ZNF423: variants seen among roughly 807,000 people sequenced by gnomAD.
The protein encoded by ZNF423 is Ebf-associated zinc finger protein.
ZNF423 carries 12 observed loss-of-function variants against 95.8 expected under a neutral mutation model. The ratio of observed to expected loss-of-function variants is 0.13; its 90% CI spans 0.08 to 0.20. The LOEUF is 0.20. Among genes scored for constraint, ZNF423 ranks in the 10% least tolerant of loss-of-function variants. The pLI, the probability that ZNF423 is intolerant of heterozygous loss-of-function variation, is 1.00. For synonymous variants in ZNF423, 749 were observed against 711.9 expected (o/e 1.05, Z -0.83); for missense variants, 1,316 against 1,737.1 (o/e 0.76, Z 4.31).
rs151102991 is a variant in ZNF423, at chr16:49,636,776, G to C, written c.2400C>G (p.Thr800=). Residue 800 remains threonine, a synonymous_variant, in exon 4 of 8, where the codon ACC becomes ACG. Transcript: ENST00000563137. The surrounding 1 kb of genome is among the most constrained non-coding windows in gnomAD (Gnocchi z 8.6). ...TGATGTGGCACTGCAGCTCCACCTC[G>C]GTGCTGAAGGTCTCCCCACAGAAGA... is the stretch of plus-strand genomic sequence containing the variant. ...KCIFCGETFS[T]EVELQCHITT... is the part of the protein sequence containing the mutation. The C allele has an allele frequency of 6.2e-7, 1 of 1,614,044 alleles. No homozygotes were observed. Among genetic ancestry groups the C allele is most frequent in the Admixed American group, 1.7e-5 (1 of 60,030 alleles).
At chr16:49,659,518 A>G (rs989851333) in intron 3 of ZNF423, among the ~76,000 whole-genome samples, 1 of 152,256 alleles carries the variant, frequency 6.6e-6, no homozygotes, top group African/African-American at 2.4e-5. Context: ...GACTTGCCCC[A>G]GGGCAGAGTC....
chr16:49,631,440 C>G (rs574805893), intron 4 of ZNF423, among the ~76,000 whole-genome samples: 1 of 152,086 alleles, frequency 6.6e-6, no homozygotes, highest in South Asian at 2.1e-4. Context: ...ACCCCCTCCT[C>G]CTGCAGCTTC....
At chr16:49,664,471 C>A (rs993977398) in intron 3 of ZNF423, among the ~76,000 whole-genome samples, 14 of 152,228 alleles carry the variant, frequency 9.2e-5, no homozygotes, top group Non-Finnish European at 1.6e-4. Context: ...CGGGGGCGAC[C>A]GAGGAGTTCT....
chr16:49,787,940 A>G (rs2034343584), intron 2 of ZNF423, among the ~76,000 whole-genome samples: 1 of 152,216 alleles, frequency 6.6e-6, no homozygotes. Context: ...CAGGAGGACT[A>G]CATGTCTGAG....
intron 7 of ZNF423, chr16:49,518,271 TGACCC>T (rs1217429716): frequency 5.2e-6 from 2 of 388,316 alleles, no homozygotes; most frequent in African/African-American, 2.1e-5. Flanking sequence ...CAAACATACA[TGACCC>T]CCAAGGTAAG....
At chr16:49,742,038 C>T (rs993945510) in intron 2 of ZNF423, among the ~76,000 whole-genome samples, 9 of 152,236 alleles carry the variant, frequency 5.9e-5, no homozygotes, top group Admixed American at 4.6e-4. Context: ...AGTCAACAAA[C>T]ATTTACTGAG....
At chr16:49,734,024 T>C (rs940680130) in intron 2 of ZNF423, among the ~76,000 whole-genome samples, 3 of 152,256 alleles carry the variant, frequency 2.0e-5, no homozygotes, top group African/African-American at 4.8e-5. Flanking sequence ...CACGTGTTCA[T>C]TAAGCAGCAC....
At chr16:49,794,555 G>A (rs1172666101) in intron 1 of ZNF423, among the ~76,000 whole-genome samples, 1 of 152,164 alleles carries the variant, frequency 6.6e-6, no homozygotes, top group Non-Finnish European at 1.5e-5. Context: ...CTCTGTTCAA[G>A]CACACGTGCA....
intron 1 of ZNF423, among the ~76,000 whole-genome samples, chr16:49,814,232 G>C (rs1361096285): frequency 6.6e-6 from 1 of 151,456 alleles, no homozygotes; most frequent in Non-Finnish European, 1.5e-5. Flanking sequence ...ACCTTTTCAG[G>C]CATCACCTGT....
At chr16:49,787,980 G>A (rs949424118) in intron 2 of ZNF423, among the ~76,000 whole-genome samples, 6 of 152,132 alleles carry the variant, frequency 3.9e-5, no homozygotes, top group Non-Finnish European at 7.4e-5. Flanking sequence ...TGCTGTTTCC[G>A]CCAACCATGG....
chr16:49,542,285 G>C (rs185736402), intron 5 of ZNF423, among the ~76,000 whole-genome samples: 187 of 152,302 alleles, frequency 1.2e-3, no homozygotes, highest in Non-Finnish European at 9.1e-4. Flanking sequence ...TCCATCACCT[G>C]TCAAGTGGAA....
chr16:49,607,776 C>G (rs1804560802), intron 5 of ZNF423, among the ~76,000 whole-genome samples: 1 of 152,232 alleles, frequency 6.6e-6, no homozygotes, highest in South Asian at 2.1e-4. Context: ...ACATCCACCC[C>G]TTTCCATTAT....
intron 3 of ZNF423, among the ~76,000 whole-genome samples, chr16:49,657,741 G>A (rs2029960424): frequency 6.6e-6 from 1 of 152,196 alleles, no homozygotes; most frequent in Admixed American, 6.5e-5. Flanking sequence ...CTACTTCCTG[G>A]GAGTGCCTCC....
chr16:49,503,483 C>T (rs928916219), intron 7 of ZNF423, among the ~76,000 whole-genome samples: 11 of 152,110 alleles, frequency 7.2e-5, no homozygotes, highest in East Asian at 1.9e-4. Context: ...CACCGCAGCC[C>T]GGAAGCCCCT....
intron 5 of ZNF423, among the ~76,000 whole-genome samples, chr16:49,623,281 G>A (rs1039275637): frequency 4.6e-5 from 7 of 152,156 alleles, no homozygotes; most frequent in Non-Finnish European, 8.8e-5. Context: ...CAGCCAAGGC[G>A]CCTTCCCTCA....
chr16:49,836,280 G>A (rs2035119241), intron 1 of ZNF423, among the ~76,000 whole-genome samples: 2 of 152,206 alleles, frequency 1.3e-5, no homozygotes, highest in Non-Finnish European at 2.9e-5. Flanking sequence ...AATGTCCCAG[G>A]ACTTGGCCTG....
intron 7 of ZNF423, among the ~76,000 whole-genome samples, chr16:49,510,954 G>A (rs1967872248): frequency 6.6e-6 from 1 of 152,224 alleles, no homozygotes; most frequent in South Asian, 2.1e-4. Context: ...CCTGCCCTAG[G>A]GCATGAATGA....
Position 49,783,843 on chromosome 16 carries a change from G to C in ZNF423, c.100+5644C>G, listed in dbSNP as rs1284109395. On this transcript the variant is annotated intron_variant, in intron 2 of 7. Coordinates refer to ENST00000563137, the MANE Select transcript of ZNF423 (RefSeq NM_001379286.1). ...AAATTAGCTGGGCGTGATGGCACGT[G>C]CCTGTAGTCCCAGCTACTCGGGAGG... 6.6e-5 allele frequency among the ~76,000 whole-genome samples: 10 copies of C among 152,024 alleles called. No homozygotes were observed. The East Asian group carries it at 1.9e-3, about 29-fold the overall frequency.
chr16:49,616,633 A>T (rs1382591126), intron 5 of ZNF423, among the ~76,000 whole-genome samples: 1 of 152,210 alleles, frequency 6.6e-6, no homozygotes, highest in African/African-American at 2.4e-5. Flanking sequence ...AAAATTAAAA[A>T]TTAAAAAAAG....
Sources: allele counts gnomAD v4.1 joint callset (sites outside exome capture counted in the v4.1 genomes callset), GRCh38; gene constraint gnomAD v4.1.1; non-coding constraint Gnocchi (gnomAD v3.1); transcripts MANE v1.5; gene names NCBI Gene and HGNC (gene_info 2026-07-23, HGNC 2026-07-21).